ELOVL5: variants seen among roughly 807,000 people sequenced by gnomAD.
ELOVL5 encodes the protein ELOVL fatty acid elongase 5.
A neutral mutation model predicts 38.6 loss-of-function variants in ELOVL5; 8 were observed. That is an observed-to-expected ratio of 0.21 (90% CI 0.12 to 0.37). The LOEUF is 0.37. ELOVL5 is among the 10% of genes least tolerant of loss of function. ELOVL5 has a pLI of 1.00. For synonymous variants in ELOVL5, 127 were observed against 133.7 expected (o/e 0.95, Z 0.34); for missense variants, 280 against 367.8 (o/e 0.76, Z 1.95).
chr6:53,268,783 T>TA lies in ELOVL5; in HGVS notation c.*343dup, dbSNP rs1036387305. 190 of 169,776 alleles carry TA rather than the reference T, an allele frequency of 1.1e-3. No individual in the cohort carries two copies. The highest frequency in any genetic ancestry group is 2.4e-3 in the Middle Eastern group (1 of 418). The allele number at this position is 169,776 out of a possible 1,614,324, so 10.5% of individuals were successfully genotyped here. A position where few individuals can be genotyped will look rare whatever the true frequency, so the allele number is the denominator to read the frequency against. On this transcript the variant is annotated 3_prime_UTR_variant, in exon 8 of 8. Transcript: ENST00000304434. ...TACAATCACATGCATGATCTACAGTTAAAAAAAAAAGTTTGGATTACAGTG... is the reference window on the plus strand; with the variant it reads ...TACAATCACATGCATGATCTACAGTTAAAAAAAAAAAGTTTGGATTACAGTG...
chr6:53,308,134 GGAA>G (rs1160093637), intron 1 of ELOVL5, among the ~76,000 whole-genome samples: 4 of 151,474 alleles, frequency 2.6e-5, no homozygotes, highest in African/African-American at 7.3e-5. Context: ...AAAGTTGTTT[GGAA>G]GAAGATGTTT....
chr6:53,322,623 A>G, intron 1 of ELOVL5, among the ~76,000 whole-genome samples: 1 of 152,232 alleles, frequency 6.6e-6, no homozygotes, highest in East Asian at 1.9e-4. Context: ...AAAACACAAC[A>G]GCTTCCATTT....
chr6:53,269,010 T>A lies in ELOVL5; in HGVS notation c.*117A>T. ...TTGAATTGATGAAAGAAGTCCTACA[T>A]GAATCACACTATTGTAGGCCAGACT... is the stretch of plus-strand genomic sequence containing the variant. On this transcript the variant is annotated 3_prime_UTR_variant, in exon 8 of 8. Transcript: ENST00000304434. 8.5e-7 allele frequency: 1 copy of A among 1,175,954 alleles called. No homozygotes were observed. The highest frequency in any genetic ancestry group is 2.3e-5 in the Admixed American group (1 of 43,240). The allele number at this position is 1,175,954 out of a possible 1,614,324, so 72.8% of individuals were successfully genotyped here.
intron 1 of ELOVL5, among the ~76,000 whole-genome samples, chr6:53,319,270 C>CAAAAAAAAAAAA (rs59435925): frequency 1.2e-4 from 9 of 74,898 alleles, no homozygotes; most frequent in Non-Finnish European, 1.7e-4. Flanking sequence ...GACTCCATCT[C>CAAAAAAAAAAAA]AAAAAAAAAA....
Position 53,273,358 on chromosome 6 carries a change from G to C in ELOVL5, c.497-14C>G. The C allele has an allele frequency of 1.2e-6, 2 of 1,612,386 alleles. No individual in the cohort carries two copies. Among genetic ancestry groups the C allele is most frequent in the South Asian group, 2.2e-5 (2 of 90,998 alleles). On this transcript the variant is annotated splice_polypyrimidine_tract_variant and intron_variant, in intron 5 of 7. Transcript: ENST00000304434. ...CACCAAAATAAGCTGCAGGAACAGAGGGATTTGGGAAGGAGAATGTATTAG... is the reference window on the plus strand; with the variant it reads ...CACCAAAATAAGCTGCAGGAACAGACGGATTTGGGAAGGAGAATGTATTAG...
At chr6:53,285,794 G>A (rs1262101561) in intron 3 of ELOVL5, among the ~76,000 whole-genome samples, 3 of 151,918 alleles carry the variant, frequency 2.0e-5, no homozygotes, top group African/African-American at 7.3e-5. Context: ...TTTGTAGAGA[G>A]AGGATCTTGC....
intron 1 of ELOVL5, among the ~76,000 whole-genome samples, chr6:53,329,673 A>T (rs1039778601): frequency 2.0e-5 from 3 of 152,034 alleles, no homozygotes; most frequent in East Asian, 3.9e-4. Flanking sequence ...AAAATAGAAA[A>T]ATTAGCCGGG....
rs557933673 is a variant in ELOVL5 at position 53,312,117 on chromosome 6, T to C, written c.-8-16410A>G. 4.9e-4 allele frequency among the ~76,000 whole-genome samples: 74 copies of C among 152,298 alleles called. 1 individual carries two copies. The highest frequency in any genetic ancestry group is 1.6e-3 in the African/African-American group (68 of 41,568). On this transcript the variant is annotated intron_variant, in intron 1 of 7. Transcript: ENST00000304434. ...CTTCTAGATGAAACCTTCCGTAACC[T>C]AGAAGTAACCTTCTGCTACAGAAAT...
At chr6:53,300,816 T>C (rs1767220417) in intron 1 of ELOVL5, among the ~76,000 whole-genome samples, 1 of 152,234 alleles carries the variant, frequency 6.6e-6, no homozygotes, top group Non-Finnish European at 1.5e-5. Context: ...AGAGAGCTTG[T>C]GGCCAACGGG....
At chr6:53,326,381 T>A (rs1768541522) in intron 1 of ELOVL5, among the ~76,000 whole-genome samples, 1 of 152,128 alleles carries the variant, frequency 6.6e-6, no homozygotes, top group Admixed American at 6.5e-5. Flanking sequence ...CAGCCTACAA[T>A]CCCTCACTTG....
rs376108205 is a variant in ELOVL5, at chr6:53,283,241, C to T, written c.247-6985G>A. Among the ~76,000 whole-genome samples, 65 of 152,320 alleles carry T rather than the reference C, an allele frequency of 4.3e-4. 1 individual carries two copies. The Middle Eastern group carries it at 0.017, about 40-fold the overall frequency. ...TATAATGCGAGGGAGGTCCCCACAA[C>T]AAATTATTCTTTAGAAAAAGAGAAA... On this transcript the variant is annotated intron_variant, in intron 3 of 7. Transcript: ENST00000304434.
chr6:53,300,004 T>G (rs1285279234), intron 1 of ELOVL5, among the ~76,000 whole-genome samples: 2 of 152,130 alleles, frequency 1.3e-5, no homozygotes, highest in African/African-American at 4.8e-5. Context: ...GTTTCTGAAA[T>G]GACTACAGTG....
chr6:53,277,455 C>T (rs536293044), intron 3 of ELOVL5, among the ~76,000 whole-genome samples: 4 of 152,254 alleles, frequency 2.6e-5, no homozygotes, highest in African/African-American at 7.2e-5. Flanking sequence ...GGCTTGAGTG[C>T]CAGGCCCAGC....
intron 1 of ELOVL5, among the ~76,000 whole-genome samples, chr6:53,313,695 G>C: frequency 6.6e-6 from 1 of 152,020 alleles, no homozygotes; most frequent in East Asian, 1.9e-4. Context: ...GATTCCAGAT[G>C]TTTTTGAAAA....
chr6:53,337,925 G>A (rs556727419), intron 1 of ELOVL5, among the ~76,000 whole-genome samples: 1 of 152,022 alleles, frequency 6.6e-6, no homozygotes, highest in Non-Finnish European at 1.5e-5. Context: ...GTTGATGAGA[G>A]AGGAGAACAC....
At chr6:53,294,346 G>C (rs747266178) in intron 2 of ELOVL5, 4 of 1,575,060 alleles carry the variant, frequency 2.5e-6, no homozygotes, top group Non-Finnish European at 3.4e-6. Context: ...CTGGCAAAGA[G>C]CTCTGGGAAA....
chr6:53,318,952 T>C (rs575715059), intron 1 of ELOVL5, among the ~76,000 whole-genome samples: 1 of 152,206 alleles, frequency 6.6e-6, no homozygotes, highest in Non-Finnish European at 1.5e-5. Context: ...TTTACATTTA[T>C]AGTCCACTCA....
At chr6:53,293,228 T>C (rs1766843085) in intron 2 of ELOVL5, among the ~76,000 whole-genome samples, 1 of 152,180 alleles carries the variant, frequency 6.6e-6, no homozygotes, top group South Asian at 2.1e-4. Context: ...CTCCAGAACA[T>C]GAGGCACATG....
intron 2 of ELOVL5, chr6:53,294,087 A>G (rs1387637639): frequency 7.3e-7 from 1 of 1,368,160 alleles, no homozygotes; most frequent in Non-Finnish European, 9.5e-7. Context: ...AAATCTCCCT[A>G]TTTTAACTTA....
Sources: gnomAD v4.1 joint callset for allele counts (sites outside exome capture counted in the v4.1 genomes callset) on GRCh38, gnomAD v4.1.1 for gene constraint, MANE v1.5 for transcripts, NCBI Gene and HGNC (gene_info 2026-07-23, HGNC 2026-07-21) for gene names.